ZNF423: variants seen among roughly 807,000 people sequenced by gnomAD.
ZNF423 encodes Ebf-associated zinc finger protein.
Under a neutral mutation model 95.8 loss-of-function variants are expected in ZNF423, and 12 were observed. The observed-to-expected ratio is 0.13, with a 90% CI of 0.08 to 0.20. ZNF423 has a LOEUF of 0.20. Ranked by LOEUF, ZNF423 falls within the 10% of genes least tolerant of loss-of-function variation. ZNF423 has a pLI of 1.00. For synonymous variants in ZNF423, 749 were observed against 711.9 expected, an observed-to-expected ratio of 1.05 and a Z score of -0.83; for missense variants, 1,316 against 1,737.1, an observed-to-expected ratio of 0.76 and a Z score of 4.31.
chr16:49,712,602 C>T (rs562313315), intron 3 of ZNF423, among the ~76,000 whole-genome samples: 1 of 152,350 alleles, frequency 6.6e-6, no homozygotes, highest in East Asian at 1.9e-4. Context: ...CAGACTCAAG[C>T]TTCTAATTCC....
rs952696874 is a variant in ZNF423 at position 49,603,270 on chromosome 16, G to T, written c.3601+22900C>A. On this transcript the variant is annotated intron_variant, in intron 5 of 7. Transcript: ENST00000563137. The surrounding 1 kb of genome is among the most constrained non-coding windows in gnomAD (Gnocchi z 4.1). Reference sequence around the variant, plus strand: ...CTGCACAACCATATCCTGCAGGCCTGTGTCCTGTGGGGTTCCTGTCACTCA... The same window carrying T: ...CTGCACAACCATATCCTGCAGGCCTTTGTCCTGTGGGGTTCCTGTCACTCA... 3.3e-5 allele frequency among the ~76,000 whole-genome samples: 5 copies of T among 152,206 alleles called. No homozygotes were observed. Among genetic ancestry groups the T allele is most frequent in the African/African-American group, 9.6e-5 (4 of 41,452 alleles).
chr16:49,544,523 AG>A (rs1465352673), intron 5 of ZNF423, among the ~76,000 whole-genome samples: 2 of 152,204 alleles, frequency 1.3e-5, no homozygotes, highest in Non-Finnish European at 2.9e-5. Context: ...GGTAACACCA[AG>A]GGGGAAGAAA....
chr16:49,624,181 T>C (rs1025057516), intron 5 of ZNF423, among the ~76,000 whole-genome samples: 1 of 152,056 alleles, frequency 6.6e-6, no homozygotes, highest in Non-Finnish European at 1.5e-5. Flanking sequence ...TATAATGTAT[T>C]ATATATAAAC....
chr16:49,789,524 G>A lies in ZNF423; in HGVS notation c.63C>T (p.Asp21=). 6.2e-7 allele frequency: 1 copy of A among 1,612,550 alleles called. No individual in the cohort carries two copies. Among genetic ancestry groups the A allele is most frequent in the African/African-American group, 1.3e-5 (1 of 74,938 alleles). Residue 21 remains aspartate (D), a synonymous_variant, in exon 2 of 8, where the codon GAC becomes GAT. Coordinates refer to ENST00000563137, the MANE Select transcript of ZNF423 (RefSeq NM_001379286.1). Reference sequence around the variant, plus strand: ...CGGAGGAATCCCAGGCCAGCGAGAAGTCTGAGGCCTCCCCCTCTTCAACTG... The same window carrying A: ...CGGAGGAATCCCAGGCCAGCGAGAAATCTGAGGCCTCCCCCTCTTCAACTG... The part of the protein sequence containing the change: ...SVKVEEGEAS[D]FSLAWDSSVT...
chr16:49,831,680 C>T (rs1443323264), intron 1 of ZNF423, among the ~76,000 whole-genome samples: 1 of 152,118 alleles, frequency 6.6e-6, no homozygotes, highest in African/African-American at 2.4e-5. Flanking sequence ...CAGGGAAGAG[C>T]GCTGCACAGT....
At chr16:49,522,653 T>G (rs1486936448) in intron 7 of ZNF423, among the ~76,000 whole-genome samples, 2 of 152,132 alleles carry the variant, frequency 1.3e-5, no homozygotes, top group Admixed American at 6.5e-5. Flanking sequence ...GACATGAGTG[T>G]GGTCCTTCTT....
At chr16:49,708,692 A>G (rs2032441232) in intron 3 of ZNF423, among the ~76,000 whole-genome samples, 1 of 152,182 alleles carries the variant, frequency 6.6e-6, no homozygotes. Flanking sequence ...CTACCCGCAC[A>G]GCCTTTCACA....
intron 1 of ZNF423, among the ~76,000 whole-genome samples, chr16:49,803,739 C>T (rs1033528441): frequency 4.6e-5 from 7 of 151,990 alleles, no homozygotes; most frequent in Non-Finnish European, 8.8e-5. Context: ...CTACGGTATG[C>T]TGGAGGTTGC....
chr16:49,822,375 T>C (rs547099911), intron 1 of ZNF423, among the ~76,000 whole-genome samples: 251 of 152,258 alleles, frequency 1.6e-3, no homozygotes, highest in African/African-American at 4.4e-3. Context: ...GGAGTCATCA[T>C]GTTGGCCAAG....
In ZNF423 at chr16:49,498,904, G is replaced by A. The variant is rs561179028; in HGVS notation, c.3850-7600C>T. ...CTTCTGACAAACGGTAAGCATACTCGAGAGCACACCATAAACAGCGCCGAA... is the reference window on the plus strand; with the variant it reads ...CTTCTGACAAACGGTAAGCATACTCAAGAGCACACCATAAACAGCGCCGAA... On this transcript the variant is annotated intron_variant, in intron 7 of 7. Coordinates refer to ENST00000563137, the MANE Select transcript of ZNF423 (RefSeq NM_001379286.1). Among the ~76,000 whole-genome samples, 18 of 152,260 alleles carry A rather than the reference G, an allele frequency of 1.2e-4. No homozygotes were observed. The East Asian group carries it at 1.5e-3, about 13-fold the overall frequency.
intron 6 of ZNF423, 67 bp downstream of exon 6, chr16:49,525,296 C>G: frequency 1.3e-6 from 2 of 1,589,306 alleles, no homozygotes; most frequent in East Asian, 4.5e-5. Flanking sequence ...ACTGGGATCC[C>G]GCAATAACAG....
intron 3 of ZNF423, among the ~76,000 whole-genome samples, chr16:49,725,761 C>T (rs1355192278): frequency 6.6e-6 from 1 of 152,226 alleles, no homozygotes; most frequent in Non-Finnish European, 1.5e-5. Context: ...ACAGCCTTCA[C>T]TGCAGTGTGG....
chr16:49,632,549 G>A (rs1439644462), intron 4 of ZNF423, among the ~76,000 whole-genome samples: 3 of 152,052 alleles, frequency 2.0e-5, no homozygotes, highest in Non-Finnish European at 4.4e-5. Flanking sequence ...CTCACACAAG[G>A]CCCAAAGGCA....
At chr16:49,654,426 T>C (rs1256177743) in intron 3 of ZNF423, among the ~76,000 whole-genome samples, 1 of 152,168 alleles carries the variant, frequency 6.6e-6, no homozygotes, top group Non-Finnish European at 1.5e-5. Context: ...CTGGGGGGCG[T>C]AGAGCACAGG....
intron 3 of ZNF423, among the ~76,000 whole-genome samples, chr16:49,645,778 C>T (rs371315892): frequency 3.9e-5 from 6 of 152,268 alleles, no homozygotes; most frequent in East Asian, 3.9e-4. Flanking sequence ...GGGGTGGTTT[C>T]CCCCATGCTA....
At chr16:49,648,495 AGCTGGG>A (rs1329498399) in intron 3 of ZNF423, among the ~76,000 whole-genome samples, 29 of 152,168 alleles carry the variant, frequency 1.9e-4, no homozygotes, top group African/African-American at 5.5e-4. Flanking sequence ...TACAAAAATT[AGCTGGG>A]CATGGTGGCA....
intron 5 of ZNF423, among the ~76,000 whole-genome samples, chr16:49,553,800 G>A (rs1211064351): frequency 2.0e-5 from 3 of 152,096 alleles, no homozygotes; most frequent in Non-Finnish European, 4.4e-5. Context: ...GTCTTTCCCT[G>A]GCATAGGGCT....
chr16:49,654,903 C>T (rs370262860), intron 3 of ZNF423, among the ~76,000 whole-genome samples: 5 of 124,992 alleles, frequency 4.0e-5, no homozygotes, highest in Middle Eastern at 3.8e-3. Context: ...GAATTTTCTT[C>T]GGTTTTGTTT....
At chr16:49,655,321 G>A (rs2029865943) in intron 3 of ZNF423, among the ~76,000 whole-genome samples, 2 of 152,136 alleles carry the variant, frequency 1.3e-5, no homozygotes, top group African/African-American at 4.8e-5. Flanking sequence ...ATGAGTAAGT[G>A]GGATCTGGAC....
Sources: allele counts gnomAD v4.1 joint callset (sites outside exome capture counted in the v4.1 genomes callset), GRCh38; gene constraint gnomAD v4.1.1; non-coding constraint Gnocchi (gnomAD v3.1); transcripts MANE v1.5; gene names NCBI Gene and HGNC (gene_info 2026-07-23, HGNC 2026-07-21).